The following SLC35F3 variants were observed in gnomAD, a reference collection of about 807,000 sequenced individuals.
SLC35F3 encodes the protein solute carrier family 35 member F3, also known as putative thiamine transporter SLC35F3.
SLC35F3 carries 25 observed loss-of-function variants against 49.9 expected under a neutral mutation model. The observed-to-expected ratio is 0.50, with a 90% CI of 0.37 to 0.70. The LOEUF (loss-of-function observed/expected upper bound fraction) is 0.70. Ranked by LOEUF, SLC35F3 falls within the 30% of genes least tolerant of loss-of-function variation. The pLI, the probability that SLC35F3 is intolerant of heterozygous loss-of-function variation, is 0.00. For synonymous variants in SLC35F3, 275 were observed against 265.4 expected (o/e 1.04, Z -0.35); for missense variants, 525 against 639.8 (o/e 0.82, Z 1.94).
At chr1:234,279,110 T>C (rs111483981) in intron 3 of SLC35F3, among the ~76,000 whole-genome samples, 9,031 of 152,038 alleles carry the variant, frequency 0.059, 322 homozygotes, top group African/African-American at 0.095. Context: ...AAGATGAACA[T>C]TGGTTTAGTC....
intron 3 of SLC35F3, among the ~76,000 whole-genome samples, chr1:234,255,148 AC>A (rs1667799211): frequency 6.6e-6 from 1 of 152,226 alleles, no homozygotes; most frequent in African/African-American, 2.4e-5. Flanking sequence ...CGTACAGAGA[AC>A]CCTTAAAACT....
intron 3 of SLC35F3, among the ~76,000 whole-genome samples, chr1:234,298,567 A>G (rs1025440788): frequency 2.0e-5 from 3 of 152,220 alleles, no homozygotes; most frequent in African/African-American, 7.2e-5. Flanking sequence ...ATCGTGATCT[A>G]CCTGGATATG....
chr1:234,240,700 A>G (rs1380595585), intron 3 of SLC35F3, among the ~76,000 whole-genome samples: 2 of 152,200 alleles, frequency 1.3e-5, no homozygotes, highest in Non-Finnish European at 1.5e-5. Flanking sequence ...ATAAAATAAT[A>G]ATGATGATGA....
At chr1:233,917,642 G>C (rs1174108602) in intron 2 of SLC35F3, among the ~76,000 whole-genome samples, 1 of 152,132 alleles carries the variant, frequency 6.6e-6, no homozygotes, top group Non-Finnish European at 1.5e-5. Context: ...AAGGAGTTGG[G>C]ATATGCTCCC....
chr1:234,288,617 G>A (rs1316163530), intron 3 of SLC35F3, among the ~76,000 whole-genome samples: 7 of 152,152 alleles, frequency 4.6e-5, no homozygotes, highest in Non-Finnish European at 8.8e-5. Context: ...GATAATCAAG[G>A]AGTTTCTCTC....
At chr1:234,266,886 T>TTG (rs1259040762) in intron 3 of SLC35F3, among the ~76,000 whole-genome samples, 30 of 149,250 alleles carry the variant, frequency 2.0e-4, no homozygotes, top group African/African-American at 5.7e-4. Flanking sequence ...TTTTTTTTTT[T>TTG]TTTTTTTTTT....
chr1:233,997,091 C>CT (rs1335936775), intron 2 of SLC35F3, among the ~76,000 whole-genome samples: 1 of 152,156 alleles, frequency 6.6e-6, no homozygotes, highest in Admixed American at 6.5e-5. Context: ...GGATTTCCGT[C>CT]TTTTTTCAGG....
At chr1:234,295,367 T>C (rs1668575248) in intron 3 of SLC35F3, among the ~76,000 whole-genome samples, 1 of 152,268 alleles carries the variant, frequency 6.6e-6, no homozygotes, top group Non-Finnish European at 1.5e-5. Context: ...CTTGCGAAGC[T>C]TGGGCTTTGA....
At chr1:234,274,866 G>A (rs974834738) in intron 3 of SLC35F3, among the ~76,000 whole-genome samples, 7 of 152,154 alleles carry the variant, frequency 4.6e-5, no homozygotes, top group Admixed American at 6.5e-5. Flanking sequence ...CTTGGAGGAT[G>A]CCAAAGAACA....
chr1:233,938,624 GGATA>G (rs1662370943), intron 2 of SLC35F3, among the ~76,000 whole-genome samples: 1 of 152,042 alleles, frequency 6.6e-6, no homozygotes, highest in Non-Finnish European at 1.5e-5. Flanking sequence ...ACAGATGGAT[GGATA>G]GATGGATGGA....
intron 7 of SLC35F3, among the ~76,000 whole-genome samples, chr1:234,321,219 C>G (rs910791792): frequency 6.6e-6 from 1 of 152,204 alleles, no homozygotes; most frequent in Non-Finnish European, 1.5e-5. Flanking sequence ...AGGACTGCCT[C>G]ACAGCGGCGG....
Position 234,214,643 on chromosome 1 carries a change from G to C in SLC35F3, c.284-16774G>C. On this transcript the variant is annotated intron_variant, in intron 2 of 7. Coordinates refer to ENST00000366618, the MANE Select transcript of SLC35F3 (RefSeq NM_173508.4). The surrounding 1 kb of genome is among the most constrained non-coding windows in gnomAD (Gnocchi z 8.0). ...CGGGGAATGCTGCCACCCTGAGGGG[G>C]GCTGTCTGGCTGCGGGGCGCCGGGG... The C allele has an allele frequency of 6.8e-7, 1 of 1,476,054 alleles. No homozygotes were observed. The highest frequency in any genetic ancestry group is 9.0e-7 in the Non-Finnish European group (1 of 1,108,942). 91.4% of individuals were successfully genotyped at this position (1,476,054 alleles called of 1,614,324 possible). A position where few individuals can be genotyped will look rare whatever the true frequency, so the allele number is the denominator to read the frequency against.
intron 2 of SLC35F3, among the ~76,000 whole-genome samples, chr1:233,987,205 A>G (rs957248197): frequency 6.6e-6 from 1 of 152,174 alleles, no homozygotes; most frequent in Non-Finnish European, 1.5e-5. Context: ...CACAAGAATC[A>G]CTTGAGCTGG....
intron 2 of SLC35F3, among the ~76,000 whole-genome samples, chr1:234,036,372 G>T (rs1664142332): frequency 6.6e-6 from 1 of 152,074 alleles, no homozygotes; most frequent in Non-Finnish European, 1.5e-5. Flanking sequence ...AGCTTAGTTG[G>T]GCTATTTAAT....
chr1:233,905,855 A>T, intron 2 of SLC35F3, 97 bp downstream of exon 2: 1 of 1,145,274 alleles, frequency 8.7e-7, no homozygotes. Flanking sequence ...GCGTCCAGCC[A>T]CCCCCTCCCG....
At chr1:234,069,821 G>A (rs1452507462) in intron 2 of SLC35F3, among the ~76,000 whole-genome samples, 1 of 152,154 alleles carries the variant, frequency 6.6e-6, no homozygotes, top group Non-Finnish European at 1.5e-5. Context: ...CCTTGTCCCT[G>A]ATGGGCACCA....
At position 234,309,293 on chromosome 1, in the gene SLC35F3, T is replaced by C; in HGVS notation, c.801T>C (p.Val267=). 1 of 1,614,244 alleles carries C rather than the reference T, an allele frequency of 6.2e-7. No individual in the cohort carries two copies. The highest frequency in any genetic ancestry group is 8.5e-7 in the Non-Finnish European group (1 of 1,180,038). Residue 267 remains valine (V), a synonymous_variant, in exon 4 of 8, where the codon GTT becomes GTC. Transcript: ENST00000366618. ...KAFVFLLSWI[V]LRDRFMGVRI... ...TTGTGTTCTTGCTCTCATGGATCGT[T>C]CTCAGGGACAGATTCATGGGAGTGA... is the stretch of plus-strand genomic sequence containing the variant.
intron 2 of SLC35F3, among the ~76,000 whole-genome samples, chr1:234,221,164 C>T (rs113231019): frequency 9.9e-5 from 15 of 151,800 alleles, no homozygotes; most frequent in African/African-American, 3.4e-4. Context: ...CAGTTTTAAG[C>T]GGGTGCTGGT....
At chr1:234,111,559 C>G (rs1665405979) in intron 2 of SLC35F3, among the ~76,000 whole-genome samples, 1 of 152,238 alleles carries the variant, frequency 6.6e-6, no homozygotes, top group Non-Finnish European at 1.5e-5. Flanking sequence ...TCCCAAAGTG[C>G]TCGGATTACA....
Sources: gnomAD v4.1 joint callset for allele counts (sites outside exome capture counted in the v4.1 genomes callset) on GRCh38, gnomAD v4.1.1 for gene constraint, Gnocchi (gnomAD v3.1) non-coding constraint, MANE v1.5 for transcripts, NCBI Gene and HGNC (gene_info 2026-07-23, HGNC 2026-07-21) for gene names.